The following FSD1 variants were observed in gnomAD, a reference collection of about 807,000 sequenced individuals.
FSD1 encodes the protein fibronectin type III and SPRY domain-containing protein 1.
In FSD1, 23 loss-of-function variants were observed where a neutral mutation model predicts 58.2. The observed-to-expected ratio is 0.40, with a 90% CI of 0.28 to 0.56. The LOEUF is 0.56. Ranked by LOEUF, FSD1 falls within the 20% of genes least tolerant of loss-of-function variation. The pLI, the probability that FSD1 is intolerant of heterozygous loss-of-function variation, is 0.54. For synonymous variants in FSD1, 265 were observed against 263.4 expected (o/e 1.01, Z -0.06); for missense variants, 563 against 670.8 (o/e 0.84, Z 1.78).
chr19:4,321,827 C>T (rs1243534799), intron 10 of FSD1, among the ~76,000 whole-genome samples: 1 of 150,994 alleles, frequency 6.6e-6, no homozygotes. Context: ...CGAGGAGTAT[C>T]TGGGGGAAAT....
rs777076572 is a variant in FSD1, at chr19:4,307,978, C to A, written c.340C>A (p.Pro114Thr). The change falls in exon 4 of 13, where the codon CCT becomes ACT. Residue 114 changes from proline to threonine, a missense_variant. Transcript: ENST00000221856. ...TLQAMDSEDF[P>T]QAAKQIKDGV... ...GCAGGCCATGGACAGCGAGGACTTT[C>A]CTCAGGTGGGTGCCTCTGATGCTGC... The A allele has an allele frequency of 6.2e-7, 1 of 1,612,802 alleles. No individual in the cohort carries two copies. Among genetic ancestry groups the A allele is most frequent in the Non-Finnish European group, 8.5e-7 (1 of 1,179,102 alleles).
intron 3 of FSD1, among the ~76,000 whole-genome samples, chr19:4,306,886 A>G (rs1272056181): frequency 6.6e-6 from 1 of 151,674 alleles, no homozygotes; most frequent in Non-Finnish European, 1.5e-5. Flanking sequence ...TGAAGGTATC[A>G]CCTCCACTCA....
At chr19:4,316,884 G>A (rs1971761095) in intron 7 of FSD1, among the ~76,000 whole-genome samples, 1 of 152,096 alleles carries the variant, frequency 6.6e-6, no homozygotes, top group Non-Finnish European at 1.5e-5. Context: ...CTGAGTAGCT[G>A]GGATTACAGG....
intron 10 of FSD1, among the ~76,000 whole-genome samples, chr19:4,321,466 G>C (rs558251364): frequency 1.6e-5 from 2 of 128,258 alleles, no homozygotes; most frequent in Non-Finnish European, 3.3e-5. Flanking sequence ...ATCTGGAGGG[G>C]AATAGCTGGG....
chr19:4,318,491 C>T lies in FSD1; in HGVS notation c.945C>T (p.Ile315=), dbSNP rs1971780017. ...GCAAGGGGCGGACGGCGTCTCCCAT[C>T]AACTCCCCAGCCAGGTAGCCTGCCC... ...KDGKGRTASP[I]NSPARGTPSP... The change falls in exon 9 of 13, where the codon ATC becomes ATT. Residue 315 remains isoleucine (I), a synonymous_variant. Coordinates refer to ENST00000221856, the MANE Select transcript of FSD1 (RefSeq NM_024333.3). The T allele has an allele frequency of 3.7e-6, 6 of 1,609,084 alleles. No homozygotes were observed. In the African/African-American group the frequency reaches 8.0e-5, roughly 21 times the overall value.
At chr19:4,307,626 C>T (rs1971636597) in intron 3 of FSD1, among the ~76,000 whole-genome samples, 1 of 152,192 alleles carries the variant, frequency 6.6e-6, no homozygotes, top group Admixed American at 6.6e-5. Flanking sequence ...GCCTCAGCCT[C>T]CCAAAGTGCT....
chr19:4,313,900 T>A (rs1232303358), intron 7 of FSD1, among the ~76,000 whole-genome samples: 1 of 151,316 alleles, frequency 6.6e-6, no homozygotes, highest in Non-Finnish European at 1.5e-5. Flanking sequence ...TGGTGGCGGA[T>A]GCCTGTAGTC....
rs1425541843 is a variant in FSD1 at position 4,312,163 on chromosome 19, G to A, written c.700+112G>A. The A allele has an allele frequency of 5.3e-5, 51 of 962,346 alleles. 1 individual carries two copies. The highest frequency in any genetic ancestry group is 5.3e-5 in the East Asian group (2 of 37,964). 59.6% of individuals were successfully genotyped at this position (962,346 alleles called of 1,614,324 possible). A position where few individuals can be genotyped will look rare whatever the true frequency, so the allele number is the denominator to read the frequency against. On this transcript the variant is annotated intron_variant, in intron 7 of 12. Coordinates refer to ENST00000221856, the MANE Select transcript of FSD1 (RefSeq NM_024333.3). ...GGGGACGATCCCCAAAGCTCATGGGGTCTGGAAGCAGCCTGGGGAGGTGGA... is the reference window on the plus strand; with the variant it reads ...GGGGACGATCCCCAAAGCTCATGGGATCTGGAAGCAGCCTGGGGAGGTGGA...
At chr19:4,316,469 C>G (rs950311497) in intron 7 of FSD1, among the ~76,000 whole-genome samples, 1 of 152,018 alleles carries the variant, frequency 6.6e-6, no homozygotes, top group Non-Finnish European at 1.5e-5. Context: ...GATCTGCCCA[C>G]TTCGGCCTCC....
intron 7 of FSD1, among the ~76,000 whole-genome samples, chr19:4,316,693 C>T (rs938740759): frequency 8.6e-5 from 13 of 151,950 alleles, no homozygotes; most frequent in African/African-American, 4.8e-5. Flanking sequence ...TAATTCATAG[C>T]CCCTCAGGGA....
At chr19:4,316,864 C>T (rs1435431253) in intron 7 of FSD1, among the ~76,000 whole-genome samples, 1 of 152,106 alleles carries the variant, frequency 6.6e-6, no homozygotes, top group Admixed American at 6.6e-5. Flanking sequence ...GATTCTCCTG[C>T]CTCAGCCTCC....
intron 8 of FSD1, 43 bp downstream of exon 8, chr19:4,317,323 C>T: frequency 8.6e-7 from 1 of 1,165,124 alleles, no homozygotes; most frequent in Non-Finnish European, 1.3e-6. Context: ...CTCCATGGCC[C>T]CTTCCTCCCA....
At chr19:4,317,576 A>G (rs1365710400) in intron 8 of FSD1, among the ~76,000 whole-genome samples, 1 of 152,200 alleles carries the variant, frequency 6.6e-6, no homozygotes. Context: ...AGTAGTGAAG[A>G]CTGATTCCAG....
At chr19:4,312,784 G>A (rs546389402) in intron 7 of FSD1, among the ~76,000 whole-genome samples, 219 of 151,074 alleles carry the variant, frequency 1.4e-3, no homozygotes, top group Admixed American at 2.5e-3. Flanking sequence ...CAGCCTGGGC[G>A]ACAGAGCAAG....
In FSD1 at chr19:4,307,948, A is replaced by C; in HGVS notation, c.310A>C (p.Thr104Pro). Residue 104 changes from threonine (T) to proline (P), a missense_variant, in exon 4 of 13, where the codon ACT becomes CCT. Thr to Pro is a conservative substitution (Grantham distance 38). Transcript: ENST00000221856. ...GGAGCTTCTGGAGACAGCCAACCAG[A>C]CTCTGCAGGCCATGGACAGCGAGGA... is the stretch of plus-strand genomic sequence containing the variant. Reference protein sequence around the residue: ...SEELLETANQTLQAMDSEDFP... With the variant: ...SEELLETANQPLQAMDSEDFP... 3 of 1,613,688 alleles carry C rather than the reference A, an allele frequency of 1.9e-6. No individual in the cohort carries two copies. Among genetic ancestry groups the C allele is most frequent in the Non-Finnish European group, 2.5e-6 (3 of 1,179,878 alleles).
intron 5 of FSD1, 54 bp from the exon 6 acceptor site, chr19:4,310,421 C>G: frequency 6.2e-7 from 1 of 1,604,264 alleles, no homozygotes; most frequent in African/African-American, 1.3e-5. Context: ...CCCCTCGCGC[C>G]ACGGATGACC....
At chr19:4,319,303 T>C (rs2144768612) in intron 10 of FSD1, among the ~76,000 whole-genome samples, 1 of 152,126 alleles carries the variant, frequency 6.6e-6, no homozygotes, top group Non-Finnish European at 1.5e-5. Flanking sequence ...TCATTGCCTA[T>C]AGAGCAACTG....
chr19:4,307,456 C>G (rs1052477776), intron 3 of FSD1, among the ~76,000 whole-genome samples: 7 of 152,280 alleles, frequency 4.6e-5, no homozygotes, highest in African/African-American at 1.7e-4. Context: ...CAACCTCCGC[C>G]TCCCGGGTTC....
chr19:4,318,774 C>A, intron 9 of FSD1, 98 bp from the exon 10 acceptor site: 1 of 974,436 alleles, frequency 1.0e-6, no homozygotes, highest in Non-Finnish European at 1.7e-6. Context: ...ATTGACCCAA[C>A]ATCCACGGTG....
Sources: allele counts gnomAD v4.1 joint callset (sites outside exome capture counted in the v4.1 genomes callset), GRCh38; gene constraint gnomAD v4.1.1; transcripts MANE v1.5; gene names NCBI Gene and HGNC (gene_info 2026-07-23, HGNC 2026-07-21).